Variants in DNAH6 observed in about 807,000 individuals in gnomAD.
DNAH6 encodes the protein axonemal beta dynein heavy chain 6.
A neutral mutation model predicts 491.4 loss-of-function variants in DNAH6; 340 were observed. The ratio of observed to expected loss-of-function variants is 0.69; its 90% CI spans 0.63 to 0.76. The LOEUF (loss-of-function observed/expected upper bound fraction) is 0.76. DNAH6 is among the 30% of genes least tolerant of loss of function. The pLI is 0.00. For synonymous variants in DNAH6, 1,603 were observed against 1,686.1 expected, an observed-to-expected ratio of 0.95 and a Z score of 1.21; for missense variants, 4,443 against 4,972.2, an observed-to-expected ratio of 0.89 and a Z score of 3.20.
intron 33 of DNAH6, among the ~76,000 whole-genome samples, chr2:84,651,172 A>G (rs1006321233): frequency 7.2e-5 from 11 of 152,146 alleles, no homozygotes; most frequent in Non-Finnish European, 1.2e-4. Context: ...GGACAGTGGT[A>G]AAAGTCCTGA....
intron 21 of DNAH6, among the ~76,000 whole-genome samples, chr2:84,608,568 C>G (rs1373156792): frequency 6.6e-6 from 1 of 152,102 alleles, no homozygotes; most frequent in Non-Finnish European, 1.5e-5. Flanking sequence ...TTGAAAGAAG[C>G]CTTTTCTTCT....
intron 47 of DNAH6, 94 bp downstream of exon 47, chr2:84,697,821 A>C: frequency 7.3e-7 from 1 of 1,375,962 alleles, no homozygotes; most frequent in South Asian, 1.3e-5. Context: ...GGGGTCCATG[A>C]ATAAAATTTT....
Position 84,797,590 on chromosome 2 carries a change from G to C in DNAH6, c.11413G>C (p.Glu3805Gln). The change falls in exon 70 of 77, where the codon GAA becomes CAA. Residue 3805 changes from glutamate (E) to glutamine (Q), a missense_variant. Transcript: ENST00000389394. ...DSLQEFKDYI[E>Q]NLPLIDDPEI... is the part of the protein sequence containing the mutation. ...CCTACAAGAGTTTAAGGACTACATT[G>C]AAAATCTGCCTTTGATCGATGACCC... 6.4e-7 allele frequency: 1 copy of C among 1,551,692 alleles called. No homozygotes were observed. The highest frequency in any genetic ancestry group is 2.4e-5 in the East Asian group (1 of 40,920).
chr2:84,704,476 T>C (rs1220226312), intron 51 of DNAH6, among the ~76,000 whole-genome samples, 174 bp downstream of exon 51: 1 of 152,186 alleles, frequency 6.6e-6, no homozygotes, highest in Non-Finnish European at 1.5e-5. Flanking sequence ...TTGTACTAGA[T>C]GGTGGAAGAT....
At chr2:84,806,786 C>T (rs1347212186) in intron 71 of DNAH6, among the ~76,000 whole-genome samples, 1 of 152,088 alleles carries the variant, frequency 6.6e-6, no homozygotes, top group African/African-American at 2.4e-5. Flanking sequence ...CAACTGAGTC[C>T]TGCTAATGCC....
At position 84,669,444 on chromosome 2, in the gene DNAH6, T is replaced by G. The variant is rs1692497030; in HGVS notation, c.6240T>G (p.Tyr2080Ter). The change falls in exon 38 of 77, where the codon TAT becomes TAG. Residue 2080 changes from tyrosine (Y) to a stop codon, truncating the protein, a stop_gained. Coordinates refer to ENST00000389394, the MANE Select transcript of DNAH6 (RefSeq NM_001370.2). LOFTEE classifies it high-confidence loss of function. ...VPTTDTVRYGYLMEKLLAVKH... is the reference protein window; with the variant it reads ...VPTTDTVRYG ...CAACTGACACAGTGCGCTATGGGTA[T>G]CTAATGGAAAAACTACTGGCAGTCA... The G allele has an allele frequency of 3.9e-6, 6 of 1,551,914 alleles. No individual in the cohort carries two copies. Among genetic ancestry groups the G allele is most frequent in the Non-Finnish European group, 5.2e-6 (6 of 1,147,052 alleles).
intron 29 of DNAH6, among the ~76,000 whole-genome samples, chr2:84,633,661 G>T (rs988422146): frequency 4.6e-5 from 7 of 151,584 alleles, no homozygotes; most frequent in African/African-American, 1.7e-4. Context: ...CTTCTCAGTT[G>T]AACAGTCTGT....
In DNAH6 at chr2:84,604,368, G is replaced by A. The variant is rs781603917; in HGVS notation, c.2898G>A (p.Pro966=). ...CAGTTATCATTGACTTGAGGAACCC[G>A]ACTTTGAAGGCAAGACATTGGGCAG... ...KLPVIIDLRN[P]TLKARHWAAI... Residue 966 remains proline (P), a synonymous_variant, in exon 19 of 77, where the codon CCG becomes CCA. Transcript: ENST00000389394. 28 of 1,552,008 alleles carry A rather than the reference G, an allele frequency of 1.8e-5. No homozygotes were observed. The Admixed American group carries it at 2.7e-4, about 15-fold the overall frequency.
the DNAH6 span, among the ~76,000 whole-genome samples, chr2:84,466,257 T>C: frequency 6.6e-6 from 1 of 152,220 alleles, no homozygotes; most frequent in Non-Finnish European, 1.5e-5. Flanking sequence ...GCTCTACAAG[T>C]CAAGTTTGAT....
intron 11 of DNAH6, among the ~76,000 whole-genome samples, chr2:84,560,729 G>C (rs1466430827): frequency 1.3e-5 from 2 of 151,984 alleles, no homozygotes; most frequent in East Asian, 3.9e-4. Flanking sequence ...TTGTCCTTGT[G>C]ATAGTTTACT....
intron 18 of DNAH6, among the ~76,000 whole-genome samples, chr2:84,599,544 A>G (rs915487388): frequency 3.3e-5 from 5 of 152,194 alleles, no homozygotes; most frequent in South Asian, 4.1e-4. Context: ...TGTACATATT[A>G]TATCCAATTA....
At chr2:84,596,314 G>GT (rs144955301) in intron 18 of DNAH6, among the ~76,000 whole-genome samples, 6,147 of 152,070 alleles carry the variant, frequency 0.04, 406 homozygotes, top group African/African-American at 0.14. Flanking sequence ...GTTTTAGGGT[G>GT]TTTTTTGTTG....
chr2:84,522,087 A>T (rs1458390379), intron 2 of DNAH6, among the ~76,000 whole-genome samples: 3 of 152,060 alleles, frequency 2.0e-5, no homozygotes, highest in Non-Finnish European at 2.9e-5. Flanking sequence ...AATGATACTG[A>T]TTCTTCCTAT....
intron 30 of DNAH6, among the ~76,000 whole-genome samples, chr2:84,636,906 T>C (rs544138493): frequency 7.5e-5 from 11 of 146,690 alleles, no homozygotes; most frequent in South Asian, 4.3e-4. Flanking sequence ...AAAAAAAAAA[T>C]AGAAAGTTGA....
intron 3 of DNAH6, among the ~76,000 whole-genome samples, chr2:84,526,583 T>C (rs977271792): frequency 2.0e-5 from 3 of 152,114 alleles, no homozygotes; most frequent in African/African-American, 7.2e-5. Context: ...AAGCCACCTT[T>C]GGGAGTTGCA....
Position 84,733,663 on chromosome 2 carries a change from GTAATGT to G in DNAH6, c.10342+85_10342+90del. The G allele has an allele frequency of 5.5e-6, 7 of 1,263,856 alleles. No homozygotes were observed. In the South Asian group the frequency reaches 1.3e-4, roughly 23 times the overall value. The allele number at this position is 1,263,856 out of a possible 1,614,324, so 78.3% of individuals were successfully genotyped here. On this transcript the variant is annotated intron_variant, in intron 62 of 76. Coordinates refer to ENST00000389394, the MANE Select transcript of DNAH6 (RefSeq NM_001370.2). ...CTTAATGTTTTCTTTAACCTCTTCT[GTAATGT>G]CAGCATTTTTCACTAGGAACTTCCT...
Position 84,732,889 on chromosome 2 carries a change from T to C in DNAH6, c.10207-555T>C, listed in dbSNP as rs1354820449. On this transcript the variant is annotated intron_variant, in intron 61 of 76. Coordinates refer to ENST00000389394, the MANE Select transcript of DNAH6 (RefSeq NM_001370.2). The stretch of plus-strand genomic sequence containing the variant: ...ACAATCACAGCTATTTTTCTGTCTC[T>C]TTTAAAACTGTTTGCCCACATGTAA... Among the ~76,000 whole-genome samples the C allele has an allele frequency of 2.0e-5, 3 of 152,252 alleles. No homozygotes were observed. In the East Asian group the frequency reaches 5.8e-4, roughly 29 times the overall value.
Position 84,718,302 on chromosome 2 carries a change from A to C in DNAH6, c.9710A>C (p.Glu3237Ala). ...TDKNQLKTIEEKILRMLFTSE... is the reference protein window; with the variant it reads ...TDKNQLKTIEAKILRMLFTSE... Reference sequence around the variant, plus strand: ...AAAAACCAGTTGAAAACTATCGAAGAGAAAATCCTGAGAATGCTCTTTACC... The same window carrying C: ...AAAAACCAGTTGAAAACTATCGAAGCGAAAATCCTGAGAATGCTCTTTACC... The change falls in exon 59 of 77, where the codon GAG becomes GCG. Residue 3237 changes from glutamate to alanine, a missense_variant. Coordinates refer to ENST00000389394, the MANE Select transcript of DNAH6 (RefSeq NM_001370.2). 1 of 1,551,554 alleles carries C rather than the reference A, an allele frequency of 6.4e-7. No individual in the cohort carries two copies. Among genetic ancestry groups the C allele is most frequent in the Non-Finnish European group, 8.7e-7 (1 of 1,146,916 alleles).
intron 11 of DNAH6, among the ~76,000 whole-genome samples, chr2:84,561,148 C>G (rs1387029012): frequency 6.6e-6 from 1 of 152,078 alleles, no homozygotes; most frequent in Non-Finnish European, 1.5e-5. Flanking sequence ...TTAATGATTG[C>G]CATTCTAACC....
Sources: allele counts gnomAD v4.1 joint callset (sites outside exome capture counted in the v4.1 genomes callset), GRCh38; gene constraint gnomAD v4.1.1; transcripts MANE v1.5; gene names NCBI Gene and HGNC (gene_info 2026-07-23, HGNC 2026-07-21).